The following CCDC126 variants were observed in gnomAD, a reference collection of about 807,000 sequenced individuals.
CCDC126 encodes the protein coiled-coil domain-containing protein 126.
CCDC126 carries 5 observed loss-of-function variants against 11.7 expected under a neutral mutation model. The ratio of observed to expected loss-of-function variants is 0.43; its 90% CI spans 0.22 to 0.90. CCDC126 has a LOEUF of 0.90. CCDC126 is among the 40% of genes least tolerant of loss of function. The probability of loss-of-function intolerance (pLI) is 0.27; values close to 1 mark genes in which losing one functional copy is unlikely to be tolerated. For synonymous variants in CCDC126, 60 were observed against 61.9 expected (o/e 0.97, Z 0.14); for missense variants, 150 against 163.1 (o/e 0.92, Z 0.44).
intron 3 of CCDC126, among the ~76,000 whole-genome samples, chr7:23,636,654 C>G (rs1000181512): frequency 3.4e-5 from 5 of 145,784 alleles, no homozygotes; most frequent in African/African-American, 1.3e-4. Flanking sequence ...GTGAGGAGCC[C>G]CTCCGTCCGG....
intron 3 of CCDC126, among the ~76,000 whole-genome samples, chr7:23,641,470 T>C (rs1783354719): frequency 6.6e-6 from 1 of 152,260 alleles, no homozygotes; most frequent in African/African-American, 2.4e-5. Context: ...TTCATTTTCT[T>C]GATTAATGTC....
At chr7:23,625,145 A>G (rs897904977) in intron 3 of CCDC126, among the ~76,000 whole-genome samples, 8 of 152,174 alleles carry the variant, frequency 5.3e-5, no homozygotes, top group African/African-American at 9.7e-5. Context: ...TGCCTGGCCT[A>G]TTATCTCATT....
chr7:23,642,282 G>A lies in CCDC126; in HGVS notation c.239-649G>A, dbSNP rs1021881693. On this transcript the variant is annotated intron_variant, in intron 3 of 3. Coordinates refer to ENST00000307471, the MANE Select transcript of CCDC126 (RefSeq NM_138771.4). ...CCCGCCTCAGCCTCCCAAAATGCTG[G>A]GATTACAGGTCTGTGGTAGTTTTTA... Among the ~76,000 whole-genome samples the A allele has an allele frequency of 3.9e-5, 6 of 152,150 alleles. No homozygotes were observed. The South Asian group carries it at 1.2e-3, about 32-fold the overall frequency.
chr7:23,635,956 C>T (rs1783201423), intron 3 of CCDC126, among the ~76,000 whole-genome samples: 1 of 152,170 alleles, frequency 6.6e-6, no homozygotes, highest in African/African-American at 2.4e-5. Flanking sequence ...GGTACTGCTG[C>T]CATCTCGGCT....
intron 3 of CCDC126, among the ~76,000 whole-genome samples, chr7:23,638,093 G>T (rs1454707847): frequency 2.2e-5 from 3 of 138,058 alleles, no homozygotes; most frequent in Non-Finnish European, 4.8e-5. Context: ...GAGGGTGGTG[G>T]GGGGGTCAGC....
intron 3 of CCDC126, among the ~76,000 whole-genome samples, chr7:23,614,496 T>G (rs545833878): frequency 3.8e-4 from 58 of 152,360 alleles, no homozygotes; most frequent in Middle Eastern, 3.4e-3. Context: ...TTCATTCTTA[T>G]AAATGTTGAC....
chr7:23,640,134 A>G (rs1024957464), intron 3 of CCDC126, among the ~76,000 whole-genome samples: 5 of 147,304 alleles, frequency 3.4e-5, no homozygotes, highest in Admixed American at 1.3e-4. Context: ...AGTGATCCGA[A>G]ATTGCTCCAG....
At chr7:23,616,912 C>A (rs1782803459) in intron 3 of CCDC126, among the ~76,000 whole-genome samples, 1 of 152,204 alleles carries the variant, frequency 6.6e-6, no homozygotes, top group African/African-American at 2.4e-5. Context: ...AGCATTTGGG[C>A]TCTCTGGACT....
chr7:23,628,747 T>C (rs1242330970), intron 3 of CCDC126, among the ~76,000 whole-genome samples: 2 of 152,180 alleles, frequency 1.3e-5, no homozygotes, highest in African/African-American at 4.8e-5. Flanking sequence ...AACGAACTGT[T>C]CATCTCCCTT....
In CCDC126 at chr7:23,644,117, T is replaced by C. The variant is rs1415628499; in HGVS notation, c.*1002T>C. On this transcript the variant is annotated 3_prime_UTR_variant, in exon 4 of 4. Coordinates refer to ENST00000307471, the MANE Select transcript of CCDC126 (RefSeq NM_138771.4). ...CTTGGAAAATGTTAACATTATATTATATAAGAGTATCCTTTATGAAATTTT... is the reference window on the plus strand; with the variant it reads ...CTTGGAAAATGTTAACATTATATTACATAAGAGTATCCTTTATGAAATTTT... 6.6e-6 allele frequency: 1 copy of C among 152,010 alleles called. No individual in the cohort carries two copies. The highest frequency in any genetic ancestry group is 1.5e-5 in the Non-Finnish European group (1 of 67,928). The allele number at this position is 152,010 out of a possible 1,614,324, so 9.4% of individuals were successfully genotyped here.
At chr7:23,610,472 C>G (rs1782690935) in intron 2 of CCDC126, among the ~76,000 whole-genome samples, 1 of 152,176 alleles carries the variant, frequency 6.6e-6, no homozygotes, top group South Asian at 2.1e-4. Flanking sequence ...CCTTTGCCTC[C>G]CAAAGTGTTG....
intron 3 of CCDC126, among the ~76,000 whole-genome samples, chr7:23,620,759 A>G (rs1233499036): frequency 4.6e-5 from 7 of 151,342 alleles, no homozygotes; most frequent in South Asian, 2.1e-4. Flanking sequence ...TTTTGTATAA[A>G]GTGTAAGGAA....
Position 23,610,187 on chromosome 7 carries a change from G to T in CCDC126, c.-145-984G>T, listed in dbSNP as rs1198397414. Among the ~76,000 whole-genome samples, 11 of 152,146 alleles carry T rather than the reference G, an allele frequency of 7.2e-5. No individual in the cohort carries two copies. In the South Asian group the frequency reaches 2.3e-3, roughly 32 times the overall value. On this transcript the variant is annotated intron_variant, in intron 2 of 3. Transcript: ENST00000307471. The stretch of plus-strand genomic sequence containing the variant: ...TTGGAATTGTAAATTTGGAAATATA[G>T]AAAAATGTTCCAACCTGTTTGTTTG...
chr7:23,611,828 T>G (rs1782715723), intron 3 of CCDC126, among the ~76,000 whole-genome samples: 1 of 152,218 alleles, frequency 6.6e-6, no homozygotes, highest in Admixed American at 6.5e-5. Context: ...ATTTCGCTGC[T>G]AGATATATAT....
At chr7:23,640,374 G>T (rs941279384) in intron 3 of CCDC126, among the ~76,000 whole-genome samples, 1 of 151,482 alleles carries the variant, frequency 6.6e-6, no homozygotes, top group Non-Finnish European at 1.5e-5. Context: ...TTGCATGCCT[G>T]TAATCCCAGC....
chr7:23,607,389 A>G (rs1782640212), intron 2 of CCDC126, among the ~76,000 whole-genome samples: 1 of 152,134 alleles, frequency 6.6e-6, no homozygotes, highest in African/African-American at 2.4e-5. Context: ...ACATAAAGAA[A>G]AATTGAGGAG....
intron 3 of CCDC126, among the ~76,000 whole-genome samples, chr7:23,620,498 A>C (rs1214489190): frequency 6.6e-6 from 1 of 152,116 alleles, no homozygotes; most frequent in Non-Finnish European, 1.5e-5. Flanking sequence ...AGATGAGTAG[A>C]TTGCAAAAAT....
chr7:23,635,470 C>T (rs1281595050), intron 3 of CCDC126, among the ~76,000 whole-genome samples: 4 of 152,144 alleles, frequency 2.6e-5, no homozygotes, highest in African/African-American at 9.7e-5. Flanking sequence ...CATCTCATGA[C>T]ATGTAAACAT....
intron 3 of CCDC126, chr7:23,622,543 CA>C (rs1188572259): frequency 1.5e-4 from 79 of 527,140 alleles, no homozygotes; most frequent in Non-Finnish European, 1.6e-4. Context: ...GTCTGTATGC[CA>C]GGTGTATCCC....
Sources: allele counts gnomAD v4.1 joint callset (sites outside exome capture counted in the v4.1 genomes callset), GRCh38; gene constraint gnomAD v4.1.1; transcripts MANE v1.5; gene names NCBI Gene and HGNC (gene_info 2026-07-23, HGNC 2026-07-21).